Variants in SPATA13 observed in about 807,000 individuals in gnomAD.
SPATA13 encodes the protein spermatogenesis associated 13.
Under a neutral mutation model 104.0 loss-of-function variants are expected in SPATA13, and 50 were observed. The ratio of observed to expected loss-of-function variants is 0.48; its 90% confidence interval spans 0.38 to 0.61. The LOEUF is 0.61. Ranked by LOEUF, SPATA13 falls within the 20% of genes least tolerant of loss-of-function variation. The pLI is 0.00. For missense variants in SPATA13, 1,524 were observed against 1,690.6 expected, an observed-to-expected ratio of 0.90 and a Z score of 1.73; for synonymous variants, 606 against 667.5, an observed-to-expected ratio of 0.91 and a Z score of 1.42.
chr13:24,001,658 TG>T (rs1875977162), intron 2 of SPATA13, among the ~76,000 whole-genome samples: 2 of 151,208 alleles, frequency 1.3e-5, no homozygotes, highest in South Asian at 2.1e-4. Flanking sequence ...GTGACTTGGG[TG>T]GGAAGCAGGA....
intron 3 of SPATA13, among the ~76,000 whole-genome samples, chr13:24,059,225 C>G (rs1249845660): frequency 1.3e-5 from 2 of 151,708 alleles, no homozygotes; most frequent in African/African-American, 2.4e-5. Flanking sequence ...CCCCCCTCGG[C>G]CTCCTAAAGT....
At chr13:24,289,644 C>A (rs1323050874) in intron 8 of SPATA13, among the ~76,000 whole-genome samples, 2 of 152,148 alleles carry the variant, frequency 1.3e-5, no homozygotes, top group African/African-American at 4.8e-5. Flanking sequence ...GACCACATAC[C>A]AGTAAGAGGC....
chr13:24,251,788 C>T lies in SPATA13; in HGVS notation c.2090C>T (p.Pro697Leu). ...PYKAVSARFR[P>L]FTFSQSTPIG... is the part of the protein sequence containing the mutation. ...AAGGCTGTGTCGGCCCGGTTCCGGCCCTTCACATTCTCCCAGAGCACCCCC... is the reference window on the plus strand; with the variant it reads ...AAGGCTGTGTCGGCCCGGTTCCGGCTCTTCACATTCTCCCAGAGCACCCCC... The change falls in exon 4 of 13, where the codon CCC becomes CTC. Residue 697 changes from proline (P) to leucine (L), a missense_variant. By Grantham distance (98) the Pro-to-Leu change is moderately conservative (BLOSUM62 -3). Around this residue, in one of 2 missense-constraint regions of SPATA13, gnomAD observed 1,089 missense variants for 1,135.9 expected, o/e 0.96. Transcript: ENST00000382108. The T allele has an allele frequency of 6.2e-7, 1 of 1,614,180 alleles. No homozygotes were observed. Among genetic ancestry groups the T allele is most frequent in the Non-Finnish European group, 8.5e-7 (1 of 1,180,018 alleles).
At chr13:24,101,266 G>A (rs1880249126) in intron 3 of SPATA13, among the ~76,000 whole-genome samples, 1 of 152,006 alleles carries the variant, frequency 6.6e-6, no homozygotes, top group African/African-American at 2.4e-5. Context: ...CTTAAAGTCC[G>A]TATACCATTT....
At chr13:24,287,879 C>T (rs999916696) in intron 7 of SPATA13, among the ~76,000 whole-genome samples, 8 of 152,228 alleles carry the variant, frequency 5.3e-5, no homozygotes, top group South Asian at 2.1e-4. Context: ...CTGCTCATTA[C>T]GGCTCTCCTA....
intron 3 of SPATA13, among the ~76,000 whole-genome samples, chr13:24,155,590 G>C (rs1236417979): frequency 1.3e-5 from 2 of 152,164 alleles, no homozygotes; most frequent in Admixed American, 1.3e-4. Flanking sequence ...GAGTCAGTGA[G>C]TGGCAGAGAC....
chr13:24,150,660 G>A (rs1882073603), intron 3 of SPATA13, among the ~76,000 whole-genome samples: 1 of 152,124 alleles, frequency 6.6e-6, no homozygotes, highest in Non-Finnish European at 1.5e-5. Context: ...GAAGTCTTGG[G>A]TCCAGAATCC....
chr13:24,044,895 G>GGGGGGGGGTAGT (rs1878075797), intron 3 of SPATA13, among the ~76,000 whole-genome samples: 1 of 125,596 alleles, frequency 8.0e-6, no homozygotes. Flanking sequence ...GAGGGGGTGG[G>GGGGGGGGGTAGT]GGTGGGGGTA....
In SPATA13 at chr13:24,122,109, G is replaced by T. The variant is rs542971498; in HGVS notation, c.-111-100710G>T. The T allele has an allele frequency of 5.0e-6, 8 of 1,612,176 alleles. No homozygotes were observed. In the South Asian group the frequency reaches 7.7e-5, roughly 15 times the overall value. Reference sequence around the variant, plus strand: ...GGGCCTCCAAAATTGAAAGAACTTGGCACAACTGGAGCACTGAATTTGTAT... The same window carrying T: ...GGGCCTCCAAAATTGAAAGAACTTGTCACAACTGGAGCACTGAATTTGTAT... On this transcript the variant is annotated intron_variant, in intron 3 of 14. Coordinates refer to the SPATA13 transcript ENST00000424834.
chr13:24,297,802 C>A, intron 11 of SPATA13, 67 bp downstream of exon 11: 2 of 1,531,042 alleles, frequency 1.3e-6, no homozygotes, highest in Non-Finnish European at 8.8e-7. Context: ...TTCTCCACTC[C>A]CATGGGCCTG....
intron 2 of SPATA13, among the ~76,000 whole-genome samples, chr13:24,001,960 C>T (rs1205285736): frequency 1.2e-4 from 18 of 151,796 alleles, no homozygotes. Flanking sequence ...ACTGCATGGC[C>T]ACAATGTCAC....
chr13:24,183,440 C>T (rs1014316945), intron 1 of SPATA13, among the ~76,000 whole-genome samples: 2 of 152,136 alleles, frequency 1.3e-5, no homozygotes, highest in Non-Finnish European at 2.9e-5. Flanking sequence ...GGTTGAAACG[C>T]TTTCTATGTT....
chr13:24,272,221 A>T (rs1199817767), intron 4 of SPATA13, among the ~76,000 whole-genome samples: 1 of 151,932 alleles, frequency 6.6e-6, no homozygotes, highest in Non-Finnish European at 1.5e-5. Flanking sequence ...GCATTCCTCC[A>T]CCGCCTTCCA....
chr13:24,216,853 C>A (rs545314070), intron 1 of SPATA13, among the ~76,000 whole-genome samples: 4 of 152,112 alleles, frequency 2.6e-5, no homozygotes, highest in Non-Finnish European at 5.9e-5. Flanking sequence ...GAGTTTGAGA[C>A]CAACCTGGCC....
intron 3 of SPATA13, among the ~76,000 whole-genome samples, chr13:24,125,321 G>A (rs1222872612): frequency 1.3e-5 from 2 of 152,160 alleles, no homozygotes; most frequent in East Asian, 1.9e-4. Flanking sequence ...GAAACTTCCT[G>A]TCATTCCTAA....
intron 3 of SPATA13, among the ~76,000 whole-genome samples, chr13:24,025,796 T>C (rs1031964795): frequency 2.6e-5 from 3 of 115,816 alleles, no homozygotes; most frequent in Non-Finnish European, 5.3e-5. Context: ...TTTTACCTTT[T>C]CTTTCTTTCT....
intron 2 of SPATA13, among the ~76,000 whole-genome samples, chr13:24,005,928 C>T (rs749660272): frequency 1.3e-5 from 2 of 152,142 alleles, no homozygotes; most frequent in Non-Finnish European, 2.9e-5. Flanking sequence ...TCTAAAAGAC[C>T]GTACTGTTTC....
At chr13:24,046,552 C>CTTTTTTTTTTTTTTTTTTTTTTTTTTTT (rs1355852636) in intron 3 of SPATA13, among the ~76,000 whole-genome samples, 1 of 150,382 alleles carries the variant, frequency 6.6e-6, no homozygotes, top group Non-Finnish European at 1.5e-5. Context: ...GGTGTGTACT[C>CTTTTTTTTTTTTTTTTTTTTTTTTTTTT]TTTTGTGTCT....
intron 2 of SPATA13, among the ~76,000 whole-genome samples, chr13:24,225,153 G>A (rs982067857): frequency 6.6e-6 from 1 of 152,202 alleles, no homozygotes; most frequent in Non-Finnish European, 1.5e-5. Flanking sequence ...GGCTGCATTC[G>A]GCTTGCACTG....
Sources: allele counts gnomAD v4.1 joint callset (sites outside exome capture counted in the v4.1 genomes callset), GRCh38; gene constraint gnomAD v4.1.1; regional missense constraint gnomAD v4.1.1; transcripts MANE v1.5; gene names NCBI Gene and HGNC (gene_info 2026-07-23, HGNC 2026-07-21).